The following SYNPR variants were observed in gnomAD, a reference collection of about 807,000 sequenced individuals.
SYNPR encodes synaptoporin.
In SYNPR, 23 loss-of-function variants were observed where a neutral mutation model predicts 32.9. The observed-to-expected ratio is 0.70, with a 90% CI of 0.50 to 0.99. SYNPR has a LOEUF of 0.99. SYNPR is among the 50% of genes least tolerant of loss of function. The pLI, the probability that SYNPR is intolerant of heterozygous loss-of-function variation, is 0.00. For synonymous variants in SYNPR, 146 were observed against 135.9 expected, an observed-to-expected ratio of 1.07 and a Z score of -0.52; for missense variants, 318 against 349.3, an observed-to-expected ratio of 0.91 and a Z score of 0.71.
intron 2 of SYNPR, among the ~76,000 whole-genome samples, chr3:63,398,554 TAA>T (rs111456568): frequency 5.0e-5 from 7 of 140,966 alleles, no homozygotes; most frequent in African/African-American, 1.8e-4. Context: ...TAAAAAATAT[TAA>T]AAAAAAAAAA....
chr3:63,592,570 T>C (rs1699856859), intron 4 of SYNPR, among the ~76,000 whole-genome samples: 4 of 152,086 alleles, frequency 2.6e-5, no homozygotes, highest in Admixed American at 2.6e-4. Context: ...ATAATAAATA[T>C]TGTCTCTATT....
chr3:63,524,847 G>GCA (rs1311029470), intron 3 of SYNPR, among the ~76,000 whole-genome samples: 8 of 134,730 alleles, frequency 5.9e-5, no homozygotes, highest in Admixed American at 1.6e-4. Context: ...GTGTGTGTGT[G>GCA]TGTGCATGTG....
At chr3:63,231,095 C>A (rs1340947319) in intron 1 of SYNPR, among the ~76,000 whole-genome samples, 2 of 152,120 alleles carry the variant, frequency 1.3e-5, no homozygotes, top group South Asian at 2.1e-4. Context: ...TGGAACCAAC[C>A]TAAGTGCCCA....
intron 1 of SYNPR, among the ~76,000 whole-genome samples, chr3:63,250,876 T>C (rs905916468): frequency 3.9e-5 from 6 of 152,184 alleles, no homozygotes; most frequent in African/African-American, 1.2e-4. Flanking sequence ...ACCCATTAAA[T>C]TAATGTTACT....
At chr3:63,562,821 T>C (rs1002580476) in intron 4 of SYNPR, among the ~76,000 whole-genome samples, 5 of 152,174 alleles carry the variant, frequency 3.3e-5, no homozygotes, top group African/African-American at 4.8e-5. Flanking sequence ...TAGTGGCTAA[T>C]TTATGGGGTG....
chr3:63,461,205 C>A (rs147443952), intron 2 of SYNPR, among the ~76,000 whole-genome samples: 15 of 152,186 alleles, frequency 9.9e-5, no homozygotes, highest in Non-Finnish European at 1.9e-4. Context: ...TCTCATAGTA[C>A]ATGATAAATG....
chr3:63,531,258 T>C (rs965797191), intron 3 of SYNPR, among the ~76,000 whole-genome samples: 2 of 152,158 alleles, frequency 1.3e-5, no homozygotes, highest in African/African-American at 4.8e-5. Flanking sequence ...AACTGAAATT[T>C]ATTGTCTCAT....
intron 4 of SYNPR, among the ~76,000 whole-genome samples, chr3:63,599,915 T>C (rs1435463152): frequency 6.6e-6 from 1 of 152,186 alleles, no homozygotes; most frequent in Non-Finnish European, 1.5e-5. Flanking sequence ...AAATGAAATA[T>C]TAAGCAATAA....
chr3:63,453,140 T>C (rs1404074713), intron 2 of SYNPR, among the ~76,000 whole-genome samples: 4 of 152,158 alleles, frequency 2.6e-5, no homozygotes, highest in African/African-American at 9.7e-5. Context: ...GCATACACAC[T>C]TATGTTTGAG....
intron 4 of SYNPR, among the ~76,000 whole-genome samples, chr3:63,559,077 T>A (rs1702640394): frequency 6.6e-6 from 1 of 150,690 alleles, no homozygotes; most frequent in Non-Finnish European, 1.5e-5. Flanking sequence ...TTTCTTTTTT[T>A]TTTTTTTTTT....
chr3:63,298,533 C>T (rs897343975), intron 2 of SYNPR, among the ~76,000 whole-genome samples: 3 of 152,128 alleles, frequency 2.0e-5, no homozygotes, highest in Non-Finnish European at 2.9e-5. Context: ...TGCTGAAACT[C>T]ACAGGGCCTC....
intron 2 of SYNPR, among the ~76,000 whole-genome samples, chr3:63,397,712 C>A (rs745572144): frequency 1.3e-5 from 2 of 152,134 alleles, no homozygotes; most frequent in African/African-American, 2.4e-5. Context: ...CTATACCCTG[C>A]CACTGACTAG....
At chr3:63,203,068 G>GTGTGTGTGTGTATATATATATATATA in the SYNPR span, 49 of 108,422 alleles carry the variant, frequency 4.5e-4, no homozygotes, top group South Asian at 7.8e-4. Flanking sequence ...ATATGTATGT[G>GTGTGTGTGTGTATATATATATATATA]TATATATATA....
At chr3:63,574,211 A>G (rs1702940045) in intron 4 of SYNPR, among the ~76,000 whole-genome samples, 1 of 152,190 alleles carries the variant, frequency 6.6e-6, no homozygotes, top group Non-Finnish European at 1.5e-5. Context: ...AACAATATTC[A>G]GGCCAATGAT....
At chr3:63,337,866 G>A (rs1410695835) in intron 2 of SYNPR, among the ~76,000 whole-genome samples, 2 of 152,148 alleles carry the variant, frequency 1.3e-5, no homozygotes, top group African/African-American at 4.8e-5. Context: ...TGGAAAGGAA[G>A]GGAAGGATGA....
intron 2 of SYNPR, among the ~76,000 whole-genome samples, chr3:63,364,306 A>G (rs1017966020): frequency 6.6e-6 from 1 of 152,204 alleles, no homozygotes; most frequent in Non-Finnish European, 1.5e-5. Flanking sequence ...GATGCTTTTA[A>G]AAAGGTGGGG....
At chr3:63,353,408 C>A (rs944992298) in intron 2 of SYNPR, among the ~76,000 whole-genome samples, 3 of 152,166 alleles carry the variant, frequency 2.0e-5, no homozygotes, top group Non-Finnish European at 2.9e-5. Flanking sequence ...ATGCCACAGG[C>A]CACCTGCTAA....
At chr3:63,572,658 T>C (rs1702908565) in intron 4 of SYNPR, among the ~76,000 whole-genome samples, 1 of 152,140 alleles carries the variant, frequency 6.6e-6, no homozygotes, top group Admixed American at 6.6e-5. Context: ...TTTTTGCCAT[T>C]TAAAATTGAA....
At position 63,365,096 on chromosome 3, in the gene SYNPR, A is replaced by G. The variant is rs545920589; in HGVS notation, c.84+86354A>G. Among the ~76,000 whole-genome samples, 34 of 152,246 alleles carry G rather than the reference A, an allele frequency of 2.2e-4. 3 individuals are homozygous for G. The highest frequency in any genetic ancestry group is 1.6e-3 in the Admixed American group (24 of 15,282). On this transcript the variant is annotated intron_variant, in intron 2 of 5. Coordinates refer to ENST00000478300, the MANE Select transcript of SYNPR (RefSeq NM_001130003.2). ...TAATTACAGAAACTATTTAGGGAGG[A>G]TTAGCTGGCTGCAGGGTACACACAT...
Sources: allele counts gnomAD v4.1 joint callset (sites outside exome capture counted in the v4.1 genomes callset), GRCh38; gene constraint gnomAD v4.1.1; transcripts MANE v1.5; gene names NCBI Gene and HGNC (gene_info 2026-07-23, HGNC 2026-07-21).